The following WDPCP variants were observed in gnomAD, a reference collection of about 807,000 sequenced individuals.
WDPCP encodes WD repeat containing planar cell polarity effector, also known as WD repeat-containing and planar cell polarity effector protein fritz homolog.
In WDPCP, 71 loss-of-function variants were observed where a neutral mutation model predicts 93.1. The observed-to-expected ratio is 0.76, with a 90% CI of 0.63 to 0.93. The LOEUF (loss-of-function observed/expected upper bound fraction) is 0.93, where lower values mean the gene tolerates loss of function less well. Among genes scored for constraint, WDPCP ranks in the 40% least tolerant of loss-of-function variants. WDPCP has a pLI of 0.00. For synonymous variants in WDPCP, 315 were observed against 315.0 expected, an observed-to-expected ratio of 1.00 and a Z score of 0.00; for missense variants, 844 against 887.4, an observed-to-expected ratio of 0.95 and a Z score of 0.62.
At chr2:63,200,060 C>A (rs1441904070) in intron 14 of WDPCP, among the ~76,000 whole-genome samples, 1 of 152,192 alleles carries the variant, frequency 6.6e-6, no homozygotes, top group East Asian at 1.9e-4. Context: ...TTCAAACTTG[C>A]ATGGGGCCTG....
At chr2:63,600,265 C>A (rs981452522) in intron 3 of WDPCP, among the ~76,000 whole-genome samples, 21 of 152,318 alleles carry the variant, frequency 1.4e-4, no homozygotes, top group Non-Finnish European at 2.6e-4. Context: ...GAATGCTATA[C>A]ATGTAATTTT....
chr2:63,378,606 G>T, intron 11 of WDPCP, 97 bp from the exon 12 acceptor site: 1 of 1,511,362 alleles, frequency 6.6e-7, no homozygotes, highest in South Asian at 1.1e-5. Flanking sequence ...TTGCAGACTT[G>T]GATGAAACAT....
chr2:63,211,856 A>G (rs909009788), intron 14 of WDPCP, among the ~76,000 whole-genome samples: 1 of 152,190 alleles, frequency 6.6e-6, no homozygotes, highest in Non-Finnish European at 1.5e-5. Context: ...ATCAAGTGGA[A>G]TAAAGGGTAT....
intron 2 of WDPCP, among the ~76,000 whole-genome samples, chr2:63,660,353 C>G (rs1239980716): frequency 5.9e-5 from 9 of 152,098 alleles, no homozygotes; most frequent in Admixed American, 5.2e-4. Flanking sequence ...AGTTTCAAGG[C>G]AAAGAATTCC....
chr2:63,307,704 C>A (rs572155627), intron 13 of WDPCP, among the ~76,000 whole-genome samples: 1 of 151,650 alleles, frequency 6.6e-6, no homozygotes, highest in African/African-American at 2.4e-5. Context: ...TGAAACTGGA[C>A]CCCTTATACA....
At chr2:63,702,396 GA>G (rs1406314145) in intron 2 of WDPCP, among the ~76,000 whole-genome samples, 1 of 152,090 alleles carries the variant, frequency 6.6e-6, no homozygotes, top group Non-Finnish European at 1.5e-5. Context: ...TATATACCCT[GA>G]AAATATGTAC....
intron 12 of WDPCP, among the ~76,000 whole-genome samples, chr2:63,327,686 G>A (rs889677793): frequency 6.6e-6 from 1 of 152,106 alleles, no homozygotes; most frequent in Admixed American, 6.6e-5. Context: ...TTTCAAACTC[G>A]TAAACCAACC....
At chr2:63,789,184 A>G (rs1670509877) in intron 2 of WDPCP, among the ~76,000 whole-genome samples, 1 of 152,238 alleles carries the variant, frequency 6.6e-6, no homozygotes, top group Non-Finnish European at 1.5e-5. Flanking sequence ...AGTCAATAAA[A>G]ACATTATATC....
intron 13 of WDPCP, among the ~76,000 whole-genome samples, chr2:63,306,077 A>G (rs1420600468): frequency 6.6e-6 from 1 of 152,226 alleles, no homozygotes; most frequent in Non-Finnish European, 1.5e-5. Flanking sequence ...ATGATCACAG[A>G]AATACAAACT....
At chr2:63,440,774 A>T (rs1558639107) in intron 6 of WDPCP, 2 of 152,650 alleles carry the variant, frequency 1.3e-5, no homozygotes, top group Non-Finnish European at 2.9e-5. Context: ...GAAGAAAAAA[A>T]ACCAATTGTC....
At chr2:63,823,613 T>A (rs1671063041) in intron 1 of WDPCP, among the ~76,000 whole-genome samples, 1 of 152,202 alleles carries the variant, frequency 6.6e-6, no homozygotes, top group Non-Finnish European at 1.5e-5. Flanking sequence ...TTGTTTTCTC[T>A]CTGTCTCTTT....
Position 63,484,646 on chromosome 2 carries a change from A to C in WDPCP, c.342T>G (p.Ser114Arg), listed in dbSNP as rs1338335449. 2.5e-6 allele frequency: 4 copies of C among 1,612,770 alleles called. No individual in the cohort carries two copies. Among genetic ancestry groups the C allele is most frequent in the Non-Finnish European group, 3.4e-6 (4 of 1,179,246 alleles). The change falls in exon 6 of 18, where the codon AGT becomes AGG. Residue 114 changes from serine (S) to arginine (R), a missense_variant. Physicochemically the swap from Ser to Arg is moderately radical, Grantham distance 110. Transcript: ENST00000272321. The stretch of plus-strand genomic sequence containing the variant: ...TCTTCCATTTGCTCAGCACACACCG[A>C]CTGTTTTGCATCAGCTCCTGAAGCA... ...LKELEELMQN[S>R]RCVLSKWKNK...
At chr2:63,758,665 C>G (rs1670005266) in intron 2 of WDPCP, among the ~76,000 whole-genome samples, 1 of 152,180 alleles carries the variant, frequency 6.6e-6, no homozygotes, top group Non-Finnish European at 1.5e-5. Flanking sequence ...GTCTCAAACT[C>G]CTGGGCTCAA....
intron 3 of WDPCP, among the ~76,000 whole-genome samples, chr2:63,596,987 A>T (rs189428357): frequency 6.6e-6 from 1 of 152,330 alleles, no homozygotes; most frequent in Admixed American, 6.5e-5. Flanking sequence ...ATAAACATTT[A>T]TTATTTTTAA....
chr2:63,552,204 C>T (rs889332634), intron 1 of WDPCP, among the ~76,000 whole-genome samples: 2 of 150,192 alleles, frequency 1.3e-5, no homozygotes, highest in African/African-American at 4.9e-5. Flanking sequence ...TCAATATTTA[C>T]TCTGTATTTG....
intron 14 of WDPCP, among the ~76,000 whole-genome samples, chr2:63,213,780 T>C (rs1677054649): frequency 6.6e-6 from 1 of 151,300 alleles, no homozygotes; most frequent in African/African-American, 2.4e-5. Flanking sequence ...ACAAAAATGA[T>C]AAAGGGGATA....
chr2:63,247,673 T>C (rs1239754213), intron 14 of WDPCP, among the ~76,000 whole-genome samples: 11 of 127,724 alleles, frequency 8.6e-5, no homozygotes, highest in Admixed American at 7.9e-4. Flanking sequence ...ATTCCAAAAT[T>C]GAAAAAAAAA....
chr2:63,523,439 G>C (rs1703088769), intron 1 of WDPCP, among the ~76,000 whole-genome samples: 1 of 152,136 alleles, frequency 6.6e-6, no homozygotes, highest in East Asian at 1.9e-4. Flanking sequence ...ACATAGCAAT[G>C]GAAGTCATAG....
chr2:63,696,080 A>G (rs1158176757), intron 2 of WDPCP, among the ~76,000 whole-genome samples: 1 of 152,174 alleles, frequency 6.6e-6, no homozygotes, highest in Non-Finnish European at 1.5e-5. Flanking sequence ...CACAGTGGGT[A>G]GCAGGTGGGT....
Sources: gnomAD v4.1 joint callset for allele counts (sites outside exome capture counted in the v4.1 genomes callset) on GRCh38, gnomAD v4.1.1 for gene constraint, MANE v1.5 for transcripts, NCBI Gene and HGNC (gene_info 2026-07-23, HGNC 2026-07-21) for gene names.